The following FAM111B variants were observed in gnomAD, a reference collection of about 807,000 sequenced individuals.
FAM111B encodes serine protease FAM111B.
A neutral mutation model predicts 2.8 loss-of-function variants in FAM111B; 1 was observed. That is an observed-to-expected ratio of 0.36 (90% CI 0.13 to 1.70). The LOEUF is 1.70. FAM111B is among the 40% of genes most tolerant of loss of function. The probability of loss-of-function intolerance (pLI) is 0.35; values close to 1 mark genes in which losing one functional copy is unlikely to be tolerated. For synonymous variants in FAM111B, 297 were observed against 295.6 expected, an observed-to-expected ratio of 1.00 and a Z score of -0.05; for missense variants, 882 against 878.9, an observed-to-expected ratio of 1.00 and a Z score of -0.04.
intron 3 of FAM111B, among the ~76,000 whole-genome samples, chr11:59,122,106 C>T (rs1000325693): frequency 9.2e-5 from 14 of 152,162 alleles, no homozygotes; most frequent in African/African-American, 3.4e-4. Context: ...TGTGCCACTG[C>T]ACTCCAGCCT....
At position 59,126,255 on chromosome 11, in the gene FAM111B, C is replaced by T. The variant is rs1036476798; in HGVS notation, c.2158C>T (p.Gln720Ter). The T allele has an allele frequency of 1.9e-6, 3 of 1,582,366 alleles. No homozygotes were observed. Among genetic ancestry groups the T allele is most frequent in the East Asian group, 4.5e-5 (2 of 44,710 alleles). ...GACCTACGATGAAGAGAAAGGTAAA[C>T]AAGAGTCATCACTTCAAGATCATCA... ...LETYDEEKGK[Q>*]ESSLQDHQIE... Residue 720 changes from glutamine (Q) to a stop codon, truncating the protein, a stop_gained, in exon 4 of 4, where the codon CAA becomes TAA. Coordinates refer to ENST00000343597, the MANE Select transcript of FAM111B (RefSeq NM_198947.4). LOFTEE classifies it low-confidence loss of function (END_TRUNC).
At position 59,125,789 on chromosome 11, in the gene FAM111B, G is replaced by A. The variant is rs757841295; in HGVS notation, c.1692G>A (p.Gln564=). 6.2e-7 allele frequency: 1 copy of A among 1,613,896 alleles called. No homozygotes were observed. The highest frequency in any genetic ancestry group is 1.1e-5 in the South Asian group (1 of 91,078). ...CGTTTCCTCCAGGACTATGGCGACA[G>A]ATTTCTCCTCAACCATCTACTGGTT... ...GNAFPPGLWR[Q]ISPQPSTGLI... is the part of the protein sequence containing the mutation. The change falls in exon 4 of 4, where the codon CAG becomes CAA. Residue 564 remains glutamine, a synonymous_variant. Transcript: ENST00000343597.
At position 59,124,602 on chromosome 11, in the gene FAM111B, G is replaced by A. The variant is rs368383577; in HGVS notation, c.505G>A (p.Asp169Asn). Reference sequence around the variant, plus strand: ...TGGTCAAAGAAAGAGTAGCAAAGAAGATGGACACATATTACGCCAATGTGA... The same window carrying A: ...TGGTCAAAGAAAGAGTAGCAAAGAAAATGGACACATATTACGCCAATGTGA... ...TFGQRKSSKE[D>N]GHILRQCENP... The change falls in exon 4 of 4, where the codon GAT becomes AAT. Residue 169 changes from aspartate to asparagine, a missense_variant. Asp to Asn is a conservative substitution (Grantham distance 23). Transcript: ENST00000343597. The A allele has an allele frequency of 2.3e-5, 37 of 1,613,856 alleles. No individual in the cohort carries two copies. Among genetic ancestry groups the A allele is most frequent in the South Asian group, 1.9e-4 (17 of 91,056 alleles).
rs1859725823 is a variant in FAM111B at position 59,109,602 on chromosome 11, A to G, written c.-24A>G. ...TCCATCTTATCGAGTAGTAGAAGTTAGTTACATTCTCTTTGAACTCATCAT... is the reference window on the plus strand; with the variant it reads ...TCCATCTTATCGAGTAGTAGAAGTTGGTTACATTCTCTTTGAACTCATCAT... On this transcript the variant is annotated 5_prime_UTR_variant, in exon 3 of 4. Transcript: ENST00000343597. The G allele has an allele frequency of 1.3e-6, 2 of 1,495,346 alleles. No individual in the cohort carries two copies. Among genetic ancestry groups the G allele is most frequent in the Admixed American group, 1.8e-5 (1 of 55,442 alleles). The allele number at this position is 1,495,346 out of a possible 1,614,324, so 92.6% of individuals were successfully genotyped here.
intron 3 of FAM111B, among the ~76,000 whole-genome samples, chr11:59,120,343 C>T (rs1037280849): frequency 2.6e-5 from 4 of 152,128 alleles, no homozygotes; most frequent in Non-Finnish European, 5.9e-5. Context: ...TGAATCTTTG[C>T]GTCCCCCACA....
intron 3 of FAM111B, 68 bp downstream of exon 3, chr11:59,109,774 G>A: frequency 1.0e-6 from 1 of 1,000,862 alleles, no homozygotes; most frequent in Non-Finnish European, 1.5e-6. Context: ...TGAGGATCTT[G>A]GAGATAAGTT....
chr11:59,113,982 A>C (rs185991163), intron 3 of FAM111B, among the ~76,000 whole-genome samples: 103 of 152,358 alleles, frequency 6.8e-4, no homozygotes, highest in African/African-American at 2.4e-3. Context: ...TGAACCTTAC[A>C]TTTTAAAGAG....
At chr11:59,107,440 C>T (rs1021998686) in intron 1 of FAM111B, 144 bp downstream of exon 1, 9 of 152,520 alleles carry the variant, frequency 5.9e-5, no homozygotes, top group African/African-American at 1.4e-4. Context: ...TTCCCTTCCC[C>T]CTGTCTCAGC....
chr11:59,125,901 T>C lies in FAM111B; in HGVS notation c.1804T>C (p.Tyr602His), dbSNP rs768920371. Residue 602 changes from tyrosine to histidine, a missense_variant, in exon 4 of 4, where the codon TAT becomes CAT. By Grantham distance (83) the Tyr-to-His change is moderately conservative. Coordinates refer to ENST00000343597, the MANE Select transcript of FAM111B (RefSeq NM_198947.4). ...VIPLNERLKK[Y>H]PNDCQDGLVD... Reference sequence around the variant, plus strand: ...TCCTCTAAACGAACGATTGAAAAAATATCCAAACGATTGTCAAGATGGGTT... The same window carrying C: ...TCCTCTAAACGAACGATTGAAAAAACATCCAAACGATTGTCAAGATGGGTT... 8.7e-6 allele frequency: 14 copies of C among 1,613,836 alleles called. 2 individuals carry two copies. The South Asian group carries it at 1.5e-4, about 18-fold the overall frequency.
intron 2 of FAM111B, among the ~76,000 whole-genome samples, chr11:59,109,157 G>A (rs1215167443): frequency 6.6e-6 from 1 of 152,090 alleles, no homozygotes; most frequent in East Asian, 1.9e-4. Context: ...CTTCTTTTGG[G>A]TACTTCTTTT....
At chr11:59,111,818 G>A (rs1471102510) in intron 3 of FAM111B, among the ~76,000 whole-genome samples, 2 of 151,648 alleles carry the variant, frequency 1.3e-5, no homozygotes, top group Non-Finnish European at 2.9e-5. Flanking sequence ...AGAATGAGAG[G>A]GAAAAATCAA....
At chr11:59,120,820 A>G (rs1333106787) in intron 3 of FAM111B, among the ~76,000 whole-genome samples, 1 of 152,230 alleles carries the variant, frequency 6.6e-6, no homozygotes, top group African/African-American at 2.4e-5. Context: ...TAAGTATCAC[A>G]TTTTGAGGTA....
rs199520687 is a variant in FAM111B, at chr11:59,125,406, G to A, written c.1309G>A (p.Asp437Asn). ...PAKQFNIYKK[D>N]FGKMTANSVS... ...TAAGCAATTCAACATATATAAAAAG[G>A]ACTTCGGAAAAATGACTGCAAATTC... The change falls in exon 4 of 4, where the codon GAC becomes AAC. Residue 437 changes from aspartate to asparagine, a missense_variant. Asp to Asn is a conservative substitution (Grantham distance 23, BLOSUM62 1). Coordinates refer to ENST00000343597, the MANE Select transcript of FAM111B (RefSeq NM_198947.4). 1.2e-5 allele frequency: 19 copies of A among 1,613,904 alleles called. No individual in the cohort carries two copies. In the East Asian group the frequency reaches 3.6e-4, roughly 30 times the overall value.
At position 59,124,218 on chromosome 11, in the gene FAM111B, G is replaced by C; in HGVS notation, c.121G>C (p.Asp41His). The C allele has an allele frequency of 6.2e-7, 1 of 1,613,530 alleles. No homozygotes were observed. The highest frequency in any genetic ancestry group is 8.5e-7 in the Non-Finnish European group (1 of 1,179,648). ...GCAGACACATGCTGACACACCTGTT[G>C]ATCATTGTCTATCTGGCATAAGAAA... is the stretch of plus-strand genomic sequence containing the variant. ...MKQTHADTPV[D>H]HCLSGIRKCS... Residue 41 changes from aspartate (D) to histidine (H), a missense_variant, in exon 4 of 4, where the codon GAT becomes CAT. Coordinates refer to ENST00000343597, the MANE Select transcript of FAM111B (RefSeq NM_198947.4).
At position 59,125,972 on chromosome 11, in the gene FAM111B, C is replaced by A; in HGVS notation, c.1875C>A (p.Thr625=). 2 of 1,613,746 alleles carry A rather than the reference C, an allele frequency of 1.2e-6. No homozygotes were observed. The highest frequency in any genetic ancestry group is 1.7e-6 in the Non-Finnish European group (2 of 1,179,816). The change falls in exon 4 of 4, where the codon ACC becomes ACA. Residue 625 remains threonine (T), a synonymous_variant. Coordinates refer to ENST00000343597, the MANE Select transcript of FAM111B (RefSeq NM_198947.4). ...CCAGTAATGTATACTGTATGTTTAC[C>A]CAAAGAAGTTTCCTATCAGAGGTTT... is the stretch of plus-strand genomic sequence containing the variant. ...DTTSNVYCMF[T]QRSFLSEVWN... is the part of the protein sequence containing the mutation.
At chr11:59,110,239 TTGAG>T (rs1420324364) in intron 3 of FAM111B, among the ~76,000 whole-genome samples, 1 of 152,182 alleles carries the variant, frequency 6.6e-6, no homozygotes, top group African/African-American at 2.4e-5. Context: ...TAATACAAAA[TTGAG>T]ACATAAACAA....
chr11:59,120,438 A>G (rs1000625787), intron 3 of FAM111B, among the ~76,000 whole-genome samples: 4 of 152,220 alleles, frequency 2.6e-5, no homozygotes, highest in African/African-American at 9.6e-5. Context: ...AGGGCTCTAC[A>G]TAATGTATTT....
chr11:59,115,064 A>G (rs1467165651), intron 3 of FAM111B, among the ~76,000 whole-genome samples: 2 of 152,100 alleles, frequency 1.3e-5, no homozygotes, highest in Non-Finnish European at 2.9e-5. Context: ...GTGCTTGTTG[A>G]CTCACTAATC....
In FAM111B at chr11:59,125,044, A is replaced by T; in HGVS notation, c.947A>T (p.Asp316Val). 1 of 1,613,404 alleles carries T rather than the reference A, an allele frequency of 6.2e-7. No individual in the cohort carries two copies. Among genetic ancestry groups the T allele is most frequent in the Non-Finnish European group, 8.5e-7 (1 of 1,179,812 alleles). The change falls in exon 4 of 4, where the codon GAT becomes GTT. Residue 316 changes from aspartate (D) to valine (V), a missense_variant. Coordinates refer to ENST00000343597, the MANE Select transcript of FAM111B (RefSeq NM_198947.4). ...CCAAAGAAAGATGGAGAGACCAAAGATGTAGAACACAGCAGAGAGCAAATT... is the reference window on the plus strand; with the variant it reads ...CCAAAGAAAGATGGAGAGACCAAAGTTGTAGAACACAGCAGAGAGCAAATT... Reference protein sequence around the residue: ...HKPKKDGETKDVEHSREQILP... With the variant: ...HKPKKDGETKVVEHSREQILP...
Sources: allele counts gnomAD v4.1 joint callset (sites outside exome capture counted in the v4.1 genomes callset), GRCh38; gene constraint gnomAD v4.1.1; transcripts MANE v1.5; gene names NCBI Gene and HGNC (gene_info 2026-07-23, HGNC 2026-07-21).